Variants in MROH9 observed in about 807,000 individuals in gnomAD.
MROH9 encodes maestro heat like repeat family member 9, also known as maestro heat-like repeat-containing protein family member 9.
In MROH9, 92 loss-of-function variants were observed where a neutral mutation model predicts 98.2. The observed-to-expected ratio is 0.94, with a 90% CI of 0.79 to 1.11. The LOEUF is 1.11. Ranked by LOEUF, MROH9 falls within the 50% of genes most tolerant of loss-of-function variation. The pLI, the probability that MROH9 is intolerant of heterozygous loss-of-function variation, is 0.00. For synonymous variants in MROH9, 397 were observed against 368.9 expected (o/e 1.08, Z -0.87); for missense variants, 1,057 against 1,014.8 (o/e 1.04, Z -0.57).
intron 20 of MROH9, among the ~76,000 whole-genome samples, chr1:171,026,139 A>C (rs1652703204): frequency 6.6e-6 from 1 of 152,044 alleles, no homozygotes; most frequent in Non-Finnish European, 1.5e-5. Context: ...ATGAATTATG[A>C]TCAGCACTAA....
At chr1:170,966,780 C>G (rs183627960) in intron 7 of MROH9, among the ~76,000 whole-genome samples, 4 of 152,212 alleles carry the variant, frequency 2.6e-5, no homozygotes, top group Non-Finnish European at 5.9e-5. Flanking sequence ...CTTTCTCTAA[C>G]TTCTAAAATA....
intron 1 of MROH9, among the ~76,000 whole-genome samples, chr1:170,935,798 C>T (rs556745046): frequency 1.3e-5 from 2 of 151,598 alleles, no homozygotes; most frequent in South Asian, 4.2e-4. Flanking sequence ...TCGAGACCAC[C>T]CTAGGCAACT....
chr1:170,974,367 T>A (rs530116355), intron 8 of MROH9, among the ~76,000 whole-genome samples: 2 of 152,054 alleles, frequency 1.3e-5, no homozygotes, highest in South Asian at 2.1e-4. Flanking sequence ...ACATCATAAT[T>A]AAATTGCTTA....
intron 15 of MROH9, among the ~76,000 whole-genome samples, chr1:171,005,042 T>A (rs1046177202): frequency 1.3e-5 from 2 of 152,110 alleles, no homozygotes; most frequent in Non-Finnish European, 2.9e-5. Flanking sequence ...TTACATTGAA[T>A]GTGTAAATCA....
chr1:171,037,568 A>G (rs887577857), intron 20 of MROH9, among the ~76,000 whole-genome samples: 6 of 152,038 alleles, frequency 3.9e-5, no homozygotes, highest in African/African-American at 1.4e-4. Flanking sequence ...TGAAATGCCA[A>G]TTAAAATATC....
intron 15 of MROH9, among the ~76,000 whole-genome samples, chr1:171,011,297 G>T (rs1652148710): frequency 6.6e-6 from 1 of 152,168 alleles, no homozygotes; most frequent in Non-Finnish European, 1.5e-5. Context: ...AGTTGTTAGA[G>T]AATGGAATAT....
intron 1 of MROH9, among the ~76,000 whole-genome samples, chr1:170,939,718 G>T (rs1649044195): frequency 6.6e-6 from 1 of 152,150 alleles, no homozygotes; most frequent in African/African-American, 2.4e-5. Context: ...TGGTGGGTTG[G>T]ATAACACCCA....
chr1:171,035,763 A>C lies in MROH9; in HGVS notation c.2281+10343A>C, dbSNP rs1653080750. On this transcript the variant is annotated intron_variant, in intron 20 of 21. Coordinates refer to ENST00000367759, the MANE Select transcript of MROH9 (RefSeq NM_001163629.2). ...CATAAAGTGTAGAATAAAGACTAAC[A>C]ATCTCAACTGTTGTCAAGGATATGG... Among the ~76,000 whole-genome samples, 3 of 152,206 alleles carry C rather than the reference A, an allele frequency of 2.0e-5. No homozygotes were observed. The South Asian group carries it at 6.2e-4, about 31-fold the overall frequency.
At chr1:171,006,401 CTTCT>C (rs965148189) in intron 15 of MROH9, among the ~76,000 whole-genome samples, 5 of 151,958 alleles carry the variant, frequency 3.3e-5, no homozygotes, top group Non-Finnish European at 7.4e-5. Flanking sequence ...TCAGATAATT[CTTCT>C]TTGAGTTGAT....
intron 15 of MROH9, among the ~76,000 whole-genome samples, chr1:171,001,397 C>T (rs1651776597): frequency 6.6e-6 from 1 of 152,038 alleles, no homozygotes; most frequent in Admixed American, 6.6e-5. Context: ...ATGAACTTTT[C>T]TCTTAGCACC....
At chr1:170,941,080 A>G (rs755771898) in intron 1 of MROH9, among the ~76,000 whole-genome samples, 2 of 152,196 alleles carry the variant, frequency 1.3e-5, no homozygotes, top group Non-Finnish European at 2.9e-5. Flanking sequence ...GCTACACTCC[A>G]TTGATCTCCT....
intron 15 of MROH9, chr1:170,998,508 G>A: frequency 6.9e-7 from 1 of 1,459,272 alleles, no homozygotes; most frequent in South Asian, 1.5e-5. Flanking sequence ...TTCTAGGGGT[G>A]TGAATTTGTA....
chr1:170,985,963 T>A (rs1258660297), intron 9 of MROH9, among the ~76,000 whole-genome samples: 1 of 148,800 alleles, frequency 6.7e-6, no homozygotes, highest in Non-Finnish European at 1.5e-5. Flanking sequence ...TTTTTTTTTT[T>A]CCATATAAAG....
At chr1:170,964,065 T>A (rs1223851508) in intron 6 of MROH9, among the ~76,000 whole-genome samples, 1 of 152,130 alleles carries the variant, frequency 6.6e-6, no homozygotes, top group Non-Finnish European at 1.5e-5. Flanking sequence ...TTCCATTTAT[T>A]GAGTTAAGCA....
chr1:171,023,762 C>T (rs1461813011), intron 17 of MROH9, among the ~76,000 whole-genome samples: 2 of 150,546 alleles, frequency 1.3e-5, no homozygotes, highest in East Asian at 3.9e-4. Context: ...GTGGTGAGAA[C>T]GTTTGAGATC....
At chr1:171,014,461 T>G in intron 16 of MROH9, among the ~76,000 whole-genome samples, 1 of 119,802 alleles carries the variant, frequency 8.3e-6, no homozygotes, top group Admixed American at 7.6e-5. Flanking sequence ...ATCGCCTTAC[T>G]TTTTTTTTTT....
At chr1:171,006,566 C>T (rs1015344492) in intron 15 of MROH9, among the ~76,000 whole-genome samples, 1 of 152,050 alleles carries the variant, frequency 6.6e-6, no homozygotes, top group African/African-American at 2.4e-5. Context: ...GAAATTCTGG[C>T]TCAAAACTGT....
chr1:170,960,552 C>A (rs1028424022), intron 5 of MROH9, among the ~76,000 whole-genome samples: 1 of 152,128 alleles, frequency 6.6e-6, no homozygotes, highest in Admixed American at 6.6e-5. Context: ...TTTCTAGTAC[C>A]TACATAGTGT....
intron 20 of MROH9, among the ~76,000 whole-genome samples, chr1:171,037,247 C>T (rs546812147): frequency 1.8e-4 from 25 of 140,262 alleles, no homozygotes; most frequent in Non-Finnish European, 3.2e-4. Flanking sequence ...GGAGGAATGA[C>T]GGAGGGAGAG....
Sources: allele counts gnomAD v4.1 joint callset (sites outside exome capture counted in the v4.1 genomes callset), GRCh38; gene constraint gnomAD v4.1.1; transcripts MANE v1.5; gene names NCBI Gene and HGNC (gene_info 2026-07-23, HGNC 2026-07-21).